ITM2C: variants seen among roughly 807,000 people sequenced by gnomAD.
The protein encoded by ITM2C is BRICHOS domain containing 2C.
ITM2C carries 20 observed loss-of-function variants against 30.0 expected under a neutral mutation model. That is an observed-to-expected ratio of 0.67 (90% CI 0.47 to 0.97). ITM2C has a LOEUF of 0.97. ITM2C is among the 50% of genes least tolerant of loss of function. The pLI is 0.00. For missense variants in ITM2C, 366 were observed against 371.9 expected, an observed-to-expected ratio of 0.98 and a Z score of 0.13; for synonymous variants, 167 against 156.4, an observed-to-expected ratio of 1.07 and a Z score of -0.51.
At chr2:230,869,210 G>C (rs1293527053) in intron 1 of ITM2C, among the ~76,000 whole-genome samples, 4 of 152,220 alleles carry the variant, frequency 2.6e-5, no homozygotes, top group African/African-American at 9.7e-5. Flanking sequence ...TTGACTATCA[G>C]GGATGGAAGA....
chr2:230,876,591 C>T (rs752251972), intron 3 of ITM2C, among the ~76,000 whole-genome samples: 13 of 152,184 alleles, frequency 8.5e-5, no homozygotes, highest in South Asian at 4.1e-4. Flanking sequence ...ACACCATTCT[C>T]CCGCCTCAGC....
At chr2:230,876,772 G>A (rs943903762) in intron 3 of ITM2C, 85 bp from the exon 4 acceptor site, 22 of 864,916 alleles carry the variant, frequency 2.5e-5, no homozygotes, top group Admixed American at 1.7e-4. Flanking sequence ...GAGCCACCGC[G>A]CCTGGCTGGC....
intron 2 of ITM2C, among the ~76,000 whole-genome samples, chr2:230,874,275 G>A (rs566707456): frequency 3.9e-5 from 6 of 152,266 alleles, no homozygotes; most frequent in Non-Finnish European, 8.8e-5. Context: ...TTTCCACGAT[G>A]GAAATTGCTG....
Position 230,878,207 on chromosome 2 carries a change from A to G in ITM2C, c.*108A>G. 1.4e-6 allele frequency: 1 copy of G among 712,532 alleles called. No individual in the cohort carries two copies. Among genetic ancestry groups the G allele is most frequent in the East Asian group, 3.0e-5 (1 of 33,562 alleles). 44.1% of individuals were successfully genotyped at this position (712,532 alleles called of 1,614,324 possible). A position where few individuals can be genotyped will look rare whatever the true frequency, so the allele number is the denominator to read the frequency against. On this transcript the variant is annotated 3_prime_UTR_variant, in exon 6 of 6. Transcript: ENST00000326427. The surrounding 1 kb of genome is among the most constrained non-coding windows in gnomAD (Gnocchi z 4.5). ...TAGCTTGTACTTTGGACGCGTTTCT[A>G]TAGAGGTGACATGTCTCTCCATTCC...
intron 2 of ITM2C, 42 bp from the exon 3 acceptor site, chr2:230,875,578 C>G: frequency 6.4e-7 from 1 of 1,550,688 alleles, no homozygotes; most frequent in Non-Finnish European, 8.7e-7. Context: ...GCGTGTATGA[C>G]CAGCCTCTCT....
upstream of ITM2C, chr2:230,864,850 G>A (rs887330774): frequency 1.3e-6 from 1 of 753,672 alleles, no homozygotes; most frequent in African/African-American, 1.8e-5. The surrounding 1 kb of genome is among the most constrained non-coding windows in gnomAD (Gnocchi z 4.3). Context: ...GCGCAGGCGC[G>A]GCGGGCGCCG....
Position 230,877,065 on chromosome 2 carries a change from A to G in ITM2C, c.561+98A>G. Reference sequence around the variant, plus strand: ...CTGAGGTACAGGAAGTTCCTGTGTCAGGGGTTGGGGGAGCAAGAGACATTG... The same window carrying G: ...CTGAGGTACAGGAAGTTCCTGTGTCGGGGGTTGGGGGAGCAAGAGACATTG... On this transcript the variant is annotated intron_variant, in intron 4 of 5. Coordinates refer to ENST00000326427, the MANE Select transcript of ITM2C (RefSeq NM_030926.6). This position sits in a 1 kb window ranked among gnomAD's most constrained non-coding sequence, Gnocchi z 4.8. The G allele has an allele frequency of 3.3e-6, 3 of 899,412 alleles. No homozygotes were observed. Among genetic ancestry groups the G allele is most frequent in the Non-Finnish European group, 5.4e-6 (3 of 555,846 alleles). 55.7% of individuals were successfully genotyped at this position (899,412 alleles called of 1,614,324 possible).
intron 1 of ITM2C, among the ~76,000 whole-genome samples, chr2:230,867,521 G>C (rs1022778709): frequency 6.6e-6 from 1 of 152,224 alleles, no homozygotes; most frequent in Non-Finnish European, 1.5e-5. Context: ...GGCAGGGCGT[G>C]TAGATTTTGT....
chr2:230,874,747 G>A (rs1697248706), intron 2 of ITM2C, among the ~76,000 whole-genome samples: 1 of 152,198 alleles, frequency 6.6e-6, no homozygotes, highest in African/African-American at 2.4e-5. Context: ...GCCGATCCCA[G>A]GCCAGGCAGT....
rs1391490227 is a variant in ITM2C, at chr2:230,877,670, C to T, written c.712+120C>T. The T allele has an allele frequency of 1.9e-6, 2 of 1,065,488 alleles. No homozygotes were observed. Among genetic ancestry groups the T allele is most frequent in the Non-Finnish European group, 2.8e-6 (2 of 723,724 alleles). 66.0% of individuals were successfully genotyped at this position (1,065,488 alleles called of 1,614,324 possible). Reference sequence around the variant, plus strand: ...CAGCAGCAATAACAGCTAGCATTAGCAGAGCACTTCCGTGTGCCGGGCAAT... The same window carrying T: ...CAGCAGCAATAACAGCTAGCATTAGTAGAGCACTTCCGTGTGCCGGGCAAT... On this transcript the variant is annotated intron_variant, in intron 5 of 5. Transcript: ENST00000326427. The surrounding 1 kb of genome is among the most constrained non-coding windows in gnomAD (Gnocchi z 4.8).
chr2:230,876,393 G>A (rs939551322), intron 3 of ITM2C, among the ~76,000 whole-genome samples: 12 of 152,128 alleles, frequency 7.9e-5, no homozygotes, highest in Admixed American at 2.6e-4. Context: ...GGGAGTGCCC[G>A]CCCAGGTATT....
chr2:230,875,583 C>G, intron 2 of ITM2C, 37 bp from the exon 3 acceptor site: 1 of 1,560,612 alleles, frequency 6.4e-7, no homozygotes, highest in Non-Finnish European at 8.7e-7. Flanking sequence ...TATGACCAGC[C>G]TCTCTGACTG....
intron 3 of ITM2C, among the ~76,000 whole-genome samples, chr2:230,876,232 A>C (rs1367451477): frequency 6.6e-6 from 1 of 152,178 alleles, no homozygotes; most frequent in Non-Finnish European, 1.5e-5. Context: ...GGTTTCATAA[A>C]TGCACAGCTG....
At position 230,877,433 on chromosome 2, in the gene ITM2C, CAGG is replaced by C; in HGVS notation, c.601_603del (p.Glu201del). ...CTACCTGCCGCAGACGTACATCATC[CAGG>C]AGGAGATGGTGGTCACGGAGCATGT... On this transcript the variant is annotated inframe_deletion, in exon 5 of 6. Transcript: ENST00000326427. This position sits in a 1 kb window ranked among gnomAD's most constrained non-coding sequence, Gnocchi z 4.8. 1 of 1,614,048 alleles carries C rather than the reference CAGG, an allele frequency of 6.2e-7. No individual in the cohort carries two copies. The highest frequency in any genetic ancestry group is 8.5e-7 in the Non-Finnish European group (1 of 1,179,986).
chr2:230,866,271 C>T (rs1697027067), intron 1 of ITM2C, among the ~76,000 whole-genome samples: 1 of 152,244 alleles, frequency 6.6e-6, no homozygotes, highest in South Asian at 2.1e-4. Flanking sequence ...TCTTTGTCCA[C>T]TGCTTCCCCA....
chr2:230,870,468 C>T (rs1030403747), intron 1 of ITM2C, among the ~76,000 whole-genome samples: 2 of 152,196 alleles, frequency 1.3e-5, no homozygotes, highest in Non-Finnish European at 2.9e-5. Context: ...CGTGGCTGAG[C>T]CCGGGTGTGT....
intron 2 of ITM2C, among the ~76,000 whole-genome samples, chr2:230,873,852 T>G (rs905639198): frequency 2.6e-5 from 4 of 152,218 alleles, no homozygotes; most frequent in Non-Finnish European, 5.9e-5. Flanking sequence ...AACTCAGATC[T>G]GGCAGAAACT....
rs866255002 is a variant in ITM2C, at chr2:230,878,397, C to T, written c.*298C>T. ...CCAAAGCCTGGGCCCACAGCTGCAC[C>T]GGCAGCCCAAGGGGAAGGACCGGTT... On this transcript the variant is annotated 3_prime_UTR_variant, in exon 6 of 6. Transcript: ENST00000326427. This position sits in a 1 kb window ranked among gnomAD's most constrained non-coding sequence, Gnocchi z 4.5. 5 of 194,056 alleles carry T rather than the reference C, an allele frequency of 2.6e-5. No individual in the cohort carries two copies. The East Asian group carries it at 4.9e-4, about 19-fold the overall frequency. 12.0% of individuals were successfully genotyped at this position (194,056 alleles called of 1,614,324 possible). A position where few individuals can be genotyped will look rare whatever the true frequency, so the allele number is the denominator to read the frequency against.
upstream of ITM2C, chr2:230,864,920 G>T: frequency 8.0e-7 from 1 of 1,243,624 alleles, no homozygotes; most frequent in Non-Finnish European, 1.0e-6. The surrounding 1 kb of genome is among the most constrained non-coding windows in gnomAD (Gnocchi z 4.3). Context: ...AGAGGGACGC[G>T]AGCGGGATCC....
Sources: gnomAD v4.1 joint callset for allele counts (sites outside exome capture counted in the v4.1 genomes callset) on GRCh38, gnomAD v4.1.1 for gene constraint, Gnocchi (gnomAD v3.1) non-coding constraint, MANE v1.5 for transcripts, NCBI Gene and HGNC (gene_info 2026-07-23, HGNC 2026-07-21) for gene names.